GPC3: variants seen among roughly 807,000 people sequenced by gnomAD.
GPC3 encodes the protein glypican-3.
A neutral mutation model predicts 34.4 loss-of-function variants in GPC3; 3 were observed. The observed-to-expected ratio is 0.09, with a 90% CI of 0.04 to 0.23. The LOEUF (loss-of-function observed/expected upper bound fraction) is 0.23, where lower values mean the gene tolerates loss of function less well. Among genes scored for constraint, GPC3 ranks in the 10% least tolerant of loss-of-function variants. The pLI, the probability that GPC3 is intolerant of heterozygous loss-of-function variation, is 1.00. For missense variants in GPC3, 351 were observed against 445.6 expected (o/e 0.79, Z 1.91); for synonymous variants, 177 against 174.0 (o/e 1.02, Z -0.13).
intron 3 of GPC3, among the ~76,000 whole-genome samples, chrX:133,753,215 AT>A (rs2071683732): frequency 8.9e-6 from 1 of 112,166 alleles, no homozygotes; most frequent in Non-Finnish European, 1.9e-5. Flanking sequence ...TATTCTTTTT[AT>A]TTCTATTTCA....
chrX:133,844,367 A>G (rs756320041), intron 2 of GPC3, among the ~76,000 whole-genome samples: 2 of 112,290 alleles, frequency 1.8e-5, no homozygotes, highest in East Asian at 5.6e-4. Flanking sequence ...TTCACAATGT[A>G]TATCAAATGA....
At chrX:133,632,900 G>C (rs982050898) in intron 6 of GPC3, among the ~76,000 whole-genome samples, 1 of 111,128 alleles carries the variant, frequency 9.0e-6, no homozygotes, top group Non-Finnish European at 1.9e-5. Flanking sequence ...GTGTGTGCAC[G>C]CATGCTGTAT....
chrX:133,661,575 T>C (rs1020048635), intron 6 of GPC3, among the ~76,000 whole-genome samples, 155 bp downstream of exon 6: 8 of 6,789 alleles, frequency 1.2e-3, no homozygotes, highest in African/African-American at 3.0e-3. Flanking sequence ...TCTTTCTCTC[T>C]CTCTCTCTCT....
In GPC3 at chrX:133,762,935, A is replaced by G. The variant is rs752374242; in HGVS notation, c.338-8759T>C. 1.2e-5 allele frequency: 7 copies of G among 568,503 alleles called. No individual in the cohort carries two copies. In the East Asian group the frequency reaches 2.0e-4, roughly 16 times the overall value. The allele number at this position is 568,503 out of a possible 1,213,427, so 46.9% of individuals were successfully genotyped here. ...TATAAAAGGAAAAGTGATGGCATCT[A>G]CATCCTAAATCTGAAGAGGACCTGG... On this transcript the variant is annotated intron_variant, in intron 2 of 7. Transcript: ENST00000370818.
At chrX:133,940,480 A>T (rs997364082) in intron 2 of GPC3, among the ~76,000 whole-genome samples, 1 of 111,767 alleles carries the variant, frequency 8.9e-6, no homozygotes, top group African/African-American at 3.2e-5. Context: ...ACATCTGTAA[A>T]ATGGGGATAA....
intron 7 of GPC3, among the ~76,000 whole-genome samples, chrX:133,560,177 G>A (rs904907845): frequency 1.8e-5 from 2 of 111,579 alleles, no homozygotes; most frequent in Non-Finnish European, 3.8e-5. Flanking sequence ...GCATAGGCAC[G>A]GTGGGGTGTA....
At chrX:133,702,082 C>T (rs1223003820) in intron 3 of GPC3, among the ~76,000 whole-genome samples, 2 of 112,100 alleles carry the variant, frequency 1.8e-5, no homozygotes, top group East Asian at 2.8e-4. Flanking sequence ...TCAAACGAAG[C>T]GTGTGCATTC....
intron 2 of GPC3, among the ~76,000 whole-genome samples, chrX:133,791,831 TCCTTCCTTCCTTCCTTCCTC>T (rs1220190088): frequency 3.2e-3 from 291 of 89,889 alleles, no homozygotes; most frequent in African/African-American, 9.7e-3. Flanking sequence ...CTTCCTTCCT[TCCTTCCTTCCTTCCTTCCTC>T]CCTCCCTCCC....
chrX:133,546,410 A>AT (rs1359263689), intron 7 of GPC3, among the ~76,000 whole-genome samples: 1 of 110,204 alleles, frequency 9.1e-6, no homozygotes, highest in African/African-American at 3.3e-5. Flanking sequence ...AAAAAAAAAA[A>AT]CTTAAAAAAA....
At chrX:133,854,595 T>C (rs182072353) in intron 2 of GPC3, among the ~76,000 whole-genome samples, 47 of 112,020 alleles carry the variant, frequency 4.2e-4, no homozygotes, top group Non-Finnish European at 7.7e-4. Context: ...TATACATGTA[T>C]ATGTGGTTTT....
chrX:133,774,675 C>T (rs376028741), intron 2 of GPC3, among the ~76,000 whole-genome samples: 1 of 111,449 alleles, frequency 9.0e-6, no homozygotes, highest in Admixed American at 9.5e-5. Flanking sequence ...AAATTATCTC[C>T]TTTTATTCTC....
intron 5 of GPC3, among the ~76,000 whole-genome samples, chrX:133,679,299 C>T (rs1234300814): frequency 9.0e-6 from 1 of 111,616 alleles, no homozygotes; most frequent in Non-Finnish European, 1.9e-5. Context: ...CTTCCCCTTA[C>T]ATCTGATCTA....
At chrX:133,627,170 G>A (rs867078970) in intron 6 of GPC3, among the ~76,000 whole-genome samples, 3 of 66,956 alleles carry the variant, frequency 4.5e-5, no homozygotes, top group Admixed American at 2.2e-4. Context: ...GTCGCAGGGT[G>A]GGGGGAGGGG....
In GPC3 at chrX:133,954,124, T is replaced by C. The variant is rs147625023; in HGVS notation, c.176-913A>G. On this transcript the variant is annotated intron_variant, in intron 1 of 7. Transcript: ENST00000370818. ...CAAAAGTCTAAAAAACAGAAACTAA[T>C]CTAGAGTGACAGAAAGCAGTTCAGT... 8.1e-3 allele frequency among the ~76,000 whole-genome samples: 903 copies of C among 111,557 alleles called. 15 individuals carry two copies. Among genetic ancestry groups the C allele is most frequent in the African/African-American group, 0.028 (867 of 30,698 alleles).
In GPC3 at chrX:133,917,472, T is replaced by C. The variant is rs377198743; in HGVS notation, c.337+35578A>G. On this transcript the variant is annotated intron_variant, in intron 2 of 7. Transcript: ENST00000370818. ...AAAAGATGAAAACCTCAAGTTTAAA[T>C]GGTCCAGTGTTAATGCAGTTAAAGA... is the stretch of plus-strand genomic sequence containing the variant. Among the ~76,000 whole-genome samples the C allele has an allele frequency of 1.7e-4, 19 of 112,199 alleles. No homozygotes were observed. The East Asian group carries it at 4.8e-3, about 28-fold the overall frequency.
intron 5 of GPC3, among the ~76,000 whole-genome samples, chrX:133,681,849 C>T (rs1384067404): frequency 2.7e-5 from 3 of 111,781 alleles, no homozygotes; most frequent in Non-Finnish European, 5.6e-5. Flanking sequence ...ATGTTTCAGG[C>T]GGGTGTTACT....
At chrX:133,561,755 A>C (rs1260393962) in intron 7 of GPC3, among the ~76,000 whole-genome samples, 1 of 112,227 alleles carries the variant, frequency 8.9e-6, no homozygotes, top group Non-Finnish European at 1.9e-5. Flanking sequence ...TAAGACATTA[A>C]TTTCTTTATG....
intron 3 of GPC3, among the ~76,000 whole-genome samples, chrX:133,750,234 G>A (rs1249254288): frequency 8.9e-6 from 1 of 112,157 alleles, no homozygotes; most frequent in Non-Finnish European, 1.9e-5. Context: ...GCACGCATGT[G>A]CATGCACCTA....
At chrX:133,725,920 C>T (rs1327954852) in intron 3 of GPC3, among the ~76,000 whole-genome samples, 1 of 111,606 alleles carries the variant, frequency 9.0e-6, no homozygotes, top group Non-Finnish European at 1.9e-5. Context: ...GTTGGCTTTC[C>T]TTTAGCAACT....
Sources: gnomAD v4.1 joint callset for allele counts (sites outside exome capture counted in the v4.1 genomes callset) on GRCh38, gnomAD v4.1.1 for gene constraint, MANE v1.5 for transcripts, NCBI Gene and HGNC (gene_info 2026-07-23, HGNC 2026-07-21) for gene names.